The following NOX4 variants were observed in gnomAD, a reference collection of about 807,000 sequenced individuals.
NOX4 encodes the protein NADPH oxidase 4.
A neutral mutation model predicts 87.6 loss-of-function variants in NOX4; 69 were observed. That is an observed-to-expected ratio of 0.79 (90% CI 0.65 to 0.96). The LOEUF (loss-of-function observed/expected upper bound fraction) is 0.96, where lower values mean the gene tolerates loss of function less well. Among genes scored for constraint, NOX4 ranks in the 40% least tolerant of loss-of-function variants. NOX4 has a pLI of 0.00. For synonymous variants in NOX4, 275 were observed against 238.2 expected (o/e 1.15, Z -1.42); for missense variants, 680 against 681.5 (o/e 1.00, Z 0.02).
the NOX4 span, among the ~76,000 whole-genome samples, chr11:89,553,876 CTT>C: frequency 0.03 from 4,243 of 139,830 alleles, 88 homozygotes; most frequent in African/African-American, 0.066. Context: ...AAACAAACAT[CTT>C]TTTTTTTTTT....
chr11:89,354,115 C>T (rs924143463), intron 13 of NOX4, among the ~76,000 whole-genome samples: 6 of 152,162 alleles, frequency 3.9e-5, no homozygotes, highest in South Asian at 4.1e-4. Flanking sequence ...ACTCTCAAAG[C>T]GATGAAAGAA....
At position 89,354,482 on chromosome 11, in the gene NOX4, A is replaced by G. The variant is rs555748007; in HGVS notation, c.1217+480T>C. ...AGAAGATTTCATTTCCCCTGTTTTC[A>G]ATACGATAAATAAGAATATGTAGAG... is the stretch of plus-strand genomic sequence containing the variant. On this transcript the variant is annotated intron_variant, in intron 13 of 17. Coordinates refer to ENST00000263317, the MANE Select transcript of NOX4 (RefSeq NM_016931.5). 4.6e-5 allele frequency among the ~76,000 whole-genome samples: 7 copies of G among 152,300 alleles called. No individual in the cohort carries two copies. In the South Asian group the frequency reaches 8.3e-4, roughly 18 times the overall value.
chr11:89,390,377 T>C (rs576502171), intron 11 of NOX4, among the ~76,000 whole-genome samples: 1 of 152,328 alleles, frequency 6.6e-6, no homozygotes, highest in East Asian at 1.9e-4. Flanking sequence ...TAAGCCTACA[T>C]GATAAACAGA....
chr11:89,378,327 C>A (rs1298610732), intron 11 of NOX4, among the ~76,000 whole-genome samples: 1 of 152,166 alleles, frequency 6.6e-6, no homozygotes, highest in Non-Finnish European at 1.5e-5. Context: ...GACTTCCTTT[C>A]CATTTCTTAG....
chr11:89,587,314 T>C, the NOX4 span, among the ~76,000 whole-genome samples: 2 of 152,186 alleles, frequency 1.3e-5, no homozygotes, highest in African/African-American at 2.4e-5. Flanking sequence ...GGTACATTAA[T>C]TAAGGAGATG....
intron 8 of NOX4, among the ~76,000 whole-genome samples, chr11:89,407,056 A>G (rs1942226523): frequency 6.6e-6 from 1 of 152,082 alleles, no homozygotes; most frequent in Non-Finnish European, 1.5e-5. Context: ...TTATGCATTT[A>G]TCCCTTATAC....
At chr11:89,486,310 T>C (rs937115095) in intron 2 of NOX4, among the ~76,000 whole-genome samples, 2 of 148,742 alleles carry the variant, frequency 1.3e-5, no homozygotes, top group Admixed American at 6.7e-5. Context: ...TTTAAATATT[T>C]ATTTATTTAT....
chr11:89,582,112 G>A, the NOX4 span, among the ~76,000 whole-genome samples: 6 of 152,002 alleles, frequency 3.9e-5, no homozygotes, highest in Admixed American at 3.9e-4. Flanking sequence ...TAAAAGTTGG[G>A]GTCATTCAGT....
At chr11:89,559,609 A>G in the NOX4 span, among the ~76,000 whole-genome samples, 1 of 152,134 alleles carries the variant, frequency 6.6e-6, no homozygotes, top group Non-Finnish European at 1.5e-5. Context: ...TAAAGAGTAT[A>G]GATAGATAAT....
the NOX4 span, among the ~76,000 whole-genome samples, chr11:89,560,994 CTCTATATA>C: frequency 3.4e-5 from 2 of 59,414 alleles, no homozygotes; most frequent in African/African-American, 1.8e-4. Flanking sequence ...CTCTCTCTCT[CTCTATATA>C]TATATATATA....
the NOX4 span, among the ~76,000 whole-genome samples, chr11:89,561,709 T>C: frequency 6.6e-6 from 1 of 152,150 alleles, no homozygotes; most frequent in Non-Finnish European, 1.5e-5. Flanking sequence ...GCCGGGGACA[T>C]ACAACAGTGA....
intron 12 of NOX4, among the ~76,000 whole-genome samples, chr11:89,368,214 T>C (rs1939162327): frequency 6.6e-6 from 1 of 152,110 alleles, no homozygotes; most frequent in Admixed American, 6.6e-5. Flanking sequence ...AGCTGCTGAC[T>C]TATTTCTTTA....
chr11:89,437,503 C>T (rs956146620), intron 6 of NOX4, among the ~76,000 whole-genome samples: 2 of 152,096 alleles, frequency 1.3e-5, no homozygotes, highest in Non-Finnish European at 2.9e-5. Flanking sequence ...TGTCTGAGCC[C>T]AGTTCCAGAC....
At chr11:89,400,846 T>C (rs1941806478) in intron 9 of NOX4, among the ~76,000 whole-genome samples, 1 of 119,254 alleles carries the variant, frequency 8.4e-6, no homozygotes, top group Non-Finnish European at 1.7e-5. Flanking sequence ...ATACATATAA[T>C]ATGTATATAT....
chr11:89,506,514 C>T, the NOX4 span, among the ~76,000 whole-genome samples: 1 of 151,636 alleles, frequency 6.6e-6, no homozygotes, highest in East Asian at 1.9e-4. Flanking sequence ...ATTTTTGTAA[C>T]CTTGAATTAG....
At chr11:89,458,026 A>G (rs974098042) in intron 2 of NOX4, among the ~76,000 whole-genome samples, 2 of 152,176 alleles carry the variant, frequency 1.3e-5, no homozygotes, top group Non-Finnish European at 2.9e-5. Flanking sequence ...CAAACTACCA[A>G]TGCCAGTCAT....
At position 89,445,261 on chromosome 11, in the gene NOX4, T is replaced by G. The variant is rs76488342; in HGVS notation, c.350-1029A>C. On this transcript the variant is annotated intron_variant, in intron 4 of 17. Coordinates refer to ENST00000263317, the MANE Select transcript of NOX4 (RefSeq NM_016931.5). Reference sequence around the variant, plus strand: ...TAGTGCAATGGTTCAAAAGAAGACATAGCCTGGAATCTAGAAAACTCTATA... The same window carrying G: ...TAGTGCAATGGTTCAAAAGAAGACAGAGCCTGGAATCTAGAAAACTCTATA... Among the ~76,000 whole-genome samples, 1,453 of 152,080 alleles carry G rather than the reference T, an allele frequency of 9.6e-3. 21 individuals are homozygous for G. The highest frequency in any genetic ancestry group is 0.034 in the African/African-American group (1,401 of 41,488).
At chr11:89,479,815 G>A (rs952254829) in intron 2 of NOX4, among the ~76,000 whole-genome samples, 5 of 152,084 alleles carry the variant, frequency 3.3e-5, no homozygotes, top group African/African-American at 7.2e-5. Context: ...ACTTTTTATC[G>A]CATTGCTCGG....
chr11:89,472,456 A>AC (rs2135446859), intron 2 of NOX4, among the ~76,000 whole-genome samples: 1 of 152,314 alleles, frequency 6.6e-6, no homozygotes, highest in South Asian at 2.1e-4. Flanking sequence ...AGGGGCTACC[A>AC]AAAATATACA....
Sources: allele counts gnomAD v4.1 joint callset (sites outside exome capture counted in the v4.1 genomes callset), GRCh38; gene constraint gnomAD v4.1.1; transcripts MANE v1.5; gene names NCBI Gene and HGNC (gene_info 2026-07-23, HGNC 2026-07-21).